The following SEC22C variants were observed in gnomAD, a reference collection of about 807,000 sequenced individuals.
The protein encoded by SEC22C is SEC22 homolog C, vesicle trafficking protein, also known as vesicle-trafficking protein SEC22c.
SEC22C carries 29 observed loss-of-function variants against 34.7 expected under a neutral mutation model. The observed-to-expected ratio is 0.84, with a 90% CI of 0.62 to 1.14. SEC22C has a LOEUF of 1.14. SEC22C is among the 50% of genes most tolerant of loss of function. The pLI, the probability that SEC22C is intolerant of heterozygous loss-of-function variation, is 0.00. For missense variants in SEC22C, 337 were observed against 369.0 expected, an observed-to-expected ratio of 0.91 and a Z score of 0.71; for synonymous variants, 117 against 132.8, an observed-to-expected ratio of 0.88 and a Z score of 0.82.
upstream of SEC22C, among the ~76,000 whole-genome samples, chr3:42,585,567 A>G (rs760630787): frequency 6.6e-6 from 1 of 152,280 alleles, no homozygotes; most frequent in South Asian, 2.1e-4. Flanking sequence ...TATAAGCTCC[A>G]TCGAGTCTTC....
intron 6 of SEC22C, 88 bp from the exon 7 acceptor site, chr3:42,553,536 A>G: frequency 6.6e-7 from 1 of 1,514,630 alleles, no homozygotes; most frequent in Non-Finnish European, 8.8e-7. Context: ...GCTTCCATGA[A>G]GAGTGTCATT....
At chr3:42,581,970 T>A (rs530067389), upstream of SEC22C, 1 of 152,512 alleles carries the variant, frequency 6.6e-6, no homozygotes, top group South Asian at 2.1e-4. Flanking sequence ...TAGGCCGTGG[T>A]GCGCGTGCGC....
intron 3 of SEC22C, among the ~76,000 whole-genome samples, chr3:42,562,617 C>A (rs1702992042): frequency 6.6e-6 from 1 of 152,212 alleles, no homozygotes; most frequent in African/African-American, 2.4e-5. Flanking sequence ...TGCCCCCTGA[C>A]CATTTATAAC....
intron 1 of SEC22C, among the ~76,000 whole-genome samples, chr3:42,576,957 C>G (rs1305474639): frequency 6.6e-6 from 1 of 152,024 alleles, no homozygotes; most frequent in Non-Finnish European, 1.5e-5. Context: ...GAATACAGAA[C>G]CCAAAAATAT....
chr3:42,568,857 T>A lies in SEC22C; in HGVS notation c.182+8A>T. Reference sequence around the variant, plus strand: ...TAATATTCTGAAAAAGTGAATATGATCACTTACTGTATACTAAAGTCACAA... The same window carrying A: ...TAATATTCTGAAAAAGTGAATATGAACACTTACTGTATACTAAAGTCACAA... On this transcript the variant is annotated splice_region_variant and intron_variant, in intron 2 of 6. Coordinates refer to ENST00000264454, the MANE Select transcript of SEC22C (RefSeq NM_032970.4). 4 of 1,612,898 alleles carry A rather than the reference T, an allele frequency of 2.5e-6. No individual in the cohort carries two copies. Among genetic ancestry groups the A allele is most frequent in the Non-Finnish European group, 3.4e-6 (4 of 1,179,140 alleles).
chr3:42,586,582 G>GT (rs771842136), upstream of SEC22C, among the ~76,000 whole-genome samples: 1 of 113,392 alleles, frequency 8.8e-6, no homozygotes, highest in Non-Finnish European at 1.7e-5. Flanking sequence ...TTCAGTCACT[G>GT]TTTAAAAAAA....
Position 42,553,292 on chromosome 3 carries a change from G to A in SEC22C, c.868C>T (p.Leu290=). The A allele has an allele frequency of 6.2e-7, 1 of 1,614,158 alleles. No homozygotes were observed. The highest frequency in any genetic ancestry group is 8.5e-7 in the Non-Finnish European group (1 of 1,180,028). Residue 290 remains leucine (L), a synonymous_variant, in exon 7 of 7, where the codon CTA becomes TTA. Coordinates refer to ENST00000264454, the MANE Select transcript of SEC22C (RefSeq NM_032970.4). ...GVAFLSSYQI[L]TRQLQEKQSD... ...TGCTTCTCCTGAAGCTGCCTTGTTA[G>A]TATCTGATATGAAGACAGAAAAGCC...
In SEC22C at chr3:42,557,667, C is replaced by T; in HGVS notation, c.556G>A (p.Ala186Thr). The T allele has an allele frequency of 2.5e-6, 4 of 1,609,706 alleles. No homozygotes were observed. Among genetic ancestry groups the T allele is most frequent in the Non-Finnish European group, 2.5e-6 (3 of 1,176,662 alleles). ...AGAATGAGGGAGAGGATACCCAGGGCTGTCACTGGTTCCATTCGGAAATTA... is the reference window on the plus strand; with the variant it reads ...AGAATGAGGGAGAGGATACCCAGGGTTGTCACTGGTTCCATTCGGAAATTA... ...APNFRMEPVTALGILSLILNI... is the reference protein window; with the variant it reads ...APNFRMEPVTTLGILSLILNI... The change falls in exon 5 of 7, where the codon GCC becomes ACC. Residue 186 changes from alanine (A) to threonine (T), a missense_variant. Physicochemically the swap from Ala to Thr is moderately conservative, Grantham distance 58. Coordinates refer to ENST00000264454, the MANE Select transcript of SEC22C (RefSeq NM_032970.4).
At chr3:42,558,033 G>A (rs1702638349) in intron 4 of SEC22C, among the ~76,000 whole-genome samples, 1 of 152,204 alleles carries the variant, frequency 6.6e-6, no homozygotes, top group Non-Finnish European at 1.5e-5. Flanking sequence ...GCCATGTCTG[G>A]AGTCATTTCT....
At chr3:42,570,743 T>C (rs1310741173) in intron 1 of SEC22C, among the ~76,000 whole-genome samples, 1 of 152,182 alleles carries the variant, frequency 6.6e-6, no homozygotes, top group Non-Finnish European at 1.5e-5. Flanking sequence ...AATCAGGGGA[T>C]TCCTTTTGTT....
intron 1 of SEC22C, among the ~76,000 whole-genome samples, chr3:42,595,753 C>T (rs637852): frequency 0.23 from 34,342 of 152,042 alleles, 4,259 homozygotes; most frequent in East Asian, 0.47. Flanking sequence ...TTTTTGGAGT[C>T]AAGGGTTGCA....
chr3:42,594,463 C>G (rs1282891797), intron 1 of SEC22C: 3 of 1,613,802 alleles, frequency 1.9e-6, no homozygotes, highest in African/African-American at 1.3e-5. Context: ...TATTTGGCTA[C>G]CATTGCAGAT....
At chr3:42,584,014 C>T (rs912829024), upstream of SEC22C, among the ~76,000 whole-genome samples, 3 of 152,196 alleles carry the variant, frequency 2.0e-5, no homozygotes, top group Admixed American at 6.5e-5. Flanking sequence ...TGAACTGAAG[C>T]AGTCTACCAG....
At chr3:42,564,485 G>C (rs1166488520) in intron 2 of SEC22C, 1 of 153,030 alleles carries the variant, frequency 6.5e-6, no homozygotes, top group Admixed American at 6.5e-5. Context: ...GCTCTGGCTG[G>C]CTACCATAGC....
At chr3:42,587,471 G>GT (rs1341193955) in intron 1 of SEC22C, 1 of 152,180 alleles carries the variant, frequency 6.6e-6, no homozygotes, top group African/African-American at 2.4e-5. Context: ...GCTCACGCCT[G>GT]TAATCCCAGC....
exon 1 of SEC22C, chr3:42,600,980 C>G: frequency 6.5e-7 from 1 of 1,533,898 alleles, no homozygotes; most frequent in Non-Finnish European, 8.8e-7. Flanking sequence ...CCCCTCTCTC[C>G]CAGCTCTTGC....
At chr3:42,569,133 C>T in intron 1 of SEC22C, 60 bp from the exon 2 acceptor site, 1 of 1,122,680 alleles carries the variant, frequency 8.9e-7, no homozygotes, top group Non-Finnish European at 1.3e-6. Context: ...GAAATACCCC[C>T]ACCTGTGAAA....
chr3:42,556,249 C>T (rs1702521781), intron 5 of SEC22C, among the ~76,000 whole-genome samples: 1 of 152,172 alleles, frequency 6.6e-6, no homozygotes. Flanking sequence ...GCCGCCAATC[C>T]CTCCACCTCT....
At chr3:42,563,928 T>A in intron 2 of SEC22C, 1 of 1,392,848 alleles carries the variant, frequency 7.2e-7, no homozygotes, top group East Asian at 3.7e-5. Context: ...TATTTATTCA[T>A]GCATGAGGGA....
Sources: gnomAD v4.1 joint callset for allele counts (sites outside exome capture counted in the v4.1 genomes callset) on GRCh38, gnomAD v4.1.1 for gene constraint, MANE v1.5 for transcripts, NCBI Gene and HGNC (gene_info 2026-07-23, HGNC 2026-07-21) for gene names.